Variants in ASTN2 observed in about 807,000 individuals in gnomAD.
ASTN2 encodes the protein astrotactin-2.
In ASTN2, 54 loss-of-function variants were observed where a neutral mutation model predicts 139.8. The observed-to-expected ratio is 0.39, with a 90% CI of 0.31 to 0.48. The LOEUF (loss-of-function observed/expected upper bound fraction) is 0.48. Ranked by LOEUF, ASTN2 falls within the 20% of genes least tolerant of loss-of-function variation. ASTN2 has a pLI of 0.95. For missense variants in ASTN2, 1,565 were observed against 1,725.1 expected, an observed-to-expected ratio of 0.91 and a Z score of 1.64; for synonymous variants, 756 against 719.5, an observed-to-expected ratio of 1.05 and a Z score of -0.81.
At chr9:117,125,832 G>GT (rs1829674808) in intron 4 of ASTN2, among the ~76,000 whole-genome samples, 1 of 151,730 alleles carries the variant, frequency 6.6e-6, no homozygotes, top group Non-Finnish European at 1.5e-5. Context: ...ATTGCGGCGG[G>GT]GGGGGGAATT....
intron 19 of ASTN2, among the ~76,000 whole-genome samples, chr9:116,530,123 ATATATATATATATATATATATATAT>A: frequency 1.8e-5 from 1 of 55,444 alleles, no homozygotes. Context: ...ATATATATAT[ATATATATATATATATATATATATAT>A]ATAAAATAGA....
chr9:116,563,968 A>T (rs544554790), intron 19 of ASTN2, among the ~76,000 whole-genome samples: 1 of 152,354 alleles, frequency 6.6e-6, no homozygotes, highest in African/African-American at 2.4e-5. Flanking sequence ...GATTTTAAGG[A>T]CAAAGAAGAG....
chr9:117,094,986 T>G (rs1828803640), intron 5 of ASTN2, among the ~76,000 whole-genome samples: 1 of 152,134 alleles, frequency 6.6e-6, no homozygotes, highest in Non-Finnish European at 1.5e-5. Context: ...TGTGCATGGA[T>G]AGAATGCATG....
intron 11 of ASTN2, among the ~76,000 whole-genome samples, chr9:116,826,327 C>T (rs1831626328): frequency 6.6e-6 from 1 of 152,220 alleles, no homozygotes; most frequent in Non-Finnish European, 1.5e-5. Context: ...AGAAGGACCC[C>T]ATCCTTTCTG....
intron 6 of ASTN2, among the ~76,000 whole-genome samples, chr9:117,023,651 C>T (rs945173406): frequency 2.0e-5 from 3 of 151,960 alleles, no homozygotes; most frequent in African/African-American, 7.3e-5. Flanking sequence ...ATCTTGACTG[C>T]CCCATGACAC....
At position 116,845,940 on chromosome 9, in the gene ASTN2, C is replaced by T. The variant is rs138823407; in HGVS notation, c.2040+17643G>A. ...TATACACCCTTATTCATAGCATTGT[C>T]ATTCATAATAGCCTAAAAGGTAGGA... On this transcript the variant is annotated intron_variant, in intron 11 of 22. Transcript: ENST00000313400. Among the ~76,000 whole-genome samples the T allele has an allele frequency of 6.1e-3, 925 of 152,302 alleles. 8 individuals are homozygous for T. Among genetic ancestry groups the T allele is most frequent in the African/African-American group, 0.021 (867 of 41,546 alleles).
intron 13 of ASTN2, among the ~76,000 whole-genome samples, chr9:116,739,276 A>G (rs1829030482): frequency 6.6e-6 from 1 of 152,192 alleles, no homozygotes; most frequent in African/African-American, 2.4e-5. Flanking sequence ...CATGAAGACC[A>G]GGAGAGAATC....
intron 5 of ASTN2, among the ~76,000 whole-genome samples, chr9:117,060,486 AAT>A (rs1174225124): frequency 2.8e-5 from 2 of 71,992 alleles, no homozygotes; most frequent in Admixed American, 1.4e-4. Context: ...GGAAGGAAGG[AAT>A]GAAAGAAAGA....
Position 117,134,998 on chromosome 9 carries a change from C to G in ASTN2, c.1168+6328G>C, listed in dbSNP as rs184661686. 3.9e-5 allele frequency among the ~76,000 whole-genome samples: 6 copies of G among 152,328 alleles called. No homozygotes were observed. The East Asian group carries it at 1.2e-3, about 29-fold the overall frequency. ...GGACAGTGCTGATTCATTCTTAGCT[C>G]AGAGAGGGAGATGCCTCACCTTCTA... On this transcript the variant is annotated intron_variant, in intron 4 of 22. Coordinates refer to ENST00000313400, the MANE Select transcript of ASTN2 (RefSeq NM_001365068.1).
intron 20 of ASTN2, among the ~76,000 whole-genome samples, chr9:116,466,316 C>T (rs1848646295): frequency 6.6e-6 from 1 of 152,152 alleles, no homozygotes; most frequent in African/African-American, 2.4e-5. Context: ...AGCATTAAGG[C>T]ACTTCAGATC....
At chr9:116,447,777 C>T (rs555824540) in intron 20 of ASTN2, among the ~76,000 whole-genome samples, 1 of 152,292 alleles carries the variant, frequency 6.6e-6, no homozygotes, top group African/African-American at 2.4e-5. Context: ...ATGCAATAAC[C>T]AATATGCAAT....
chr9:116,714,572 C>T (rs10115816), intron 16 of ASTN2, among the ~76,000 whole-genome samples: 4,872 of 152,192 alleles, frequency 0.032, 71 homozygotes, highest in Non-Finnish European at 0.035. Context: ...CATAATTATA[C>T]CCATGTTAAA....
intron 5 of ASTN2, among the ~76,000 whole-genome samples, chr9:117,065,028 G>T (rs572605381): frequency 1.3e-5 from 2 of 152,214 alleles, no homozygotes; most frequent in South Asian, 4.1e-4. Flanking sequence ...CTCTGTTTAG[G>T]ATAGGCCCTA....
intron 19 of ASTN2, among the ~76,000 whole-genome samples, chr9:116,526,136 C>G (rs1307086570): frequency 1.3e-5 from 2 of 152,296 alleles, no homozygotes; most frequent in East Asian, 3.9e-4. Flanking sequence ...CAGACCCAAC[C>G]TCTGTTATTT....
chr9:116,626,101 T>A (rs1452874148), intron 17 of ASTN2, among the ~76,000 whole-genome samples: 1 of 147,372 alleles, frequency 6.8e-6, no homozygotes, highest in African/African-American at 2.5e-5. Context: ...TGCCTCAGCC[T>A]CCTGAGTAGC....
intron 19 of ASTN2, among the ~76,000 whole-genome samples, chr9:116,579,834 T>A (rs1853876513): frequency 6.6e-6 from 1 of 151,740 alleles, no homozygotes. Flanking sequence ...TCACATTATC[T>A]TTTTTTTTGA....
At chr9:117,181,563 C>A (rs1438887254) in intron 3 of ASTN2, among the ~76,000 whole-genome samples, 1 of 152,088 alleles carries the variant, frequency 6.6e-6, no homozygotes, top group Non-Finnish European at 1.5e-5. Flanking sequence ...TTATAGCATG[C>A]TAGACAACAG....
chr9:116,741,895 C>T (rs1326451980), intron 13 of ASTN2, among the ~76,000 whole-genome samples: 5 of 152,214 alleles, frequency 3.3e-5, no homozygotes, highest in Admixed American at 3.3e-4. Flanking sequence ...TCTGGTCAAG[C>T]ACTCAATATT....
chr9:117,221,279 A>G (rs2133037046), intron 2 of ASTN2, among the ~76,000 whole-genome samples: 1 of 152,320 alleles, frequency 6.6e-6, no homozygotes, highest in African/African-American at 2.4e-5. Context: ...AGTATAAAGC[A>G]CTTCAAACCA....
Sources: allele counts gnomAD v4.1 joint callset (sites outside exome capture counted in the v4.1 genomes callset), GRCh38; gene constraint gnomAD v4.1.1; transcripts MANE v1.5; gene names NCBI Gene and HGNC (gene_info 2026-07-23, HGNC 2026-07-21).